Variants in NCKAP5 observed in about 807,000 individuals in gnomAD.
The protein encoded by NCKAP5 is NCK associated protein 5.
Under a neutral mutation model 167.0 loss-of-function variants are expected in NCKAP5, and 92 were observed. The ratio of observed to expected loss-of-function variants is 0.55; its 90% confidence interval spans 0.47 to 0.66. NCKAP5 has a LOEUF of 0.66. NCKAP5 is among the 30% of genes least tolerant of loss of function. The probability of loss-of-function intolerance (pLI) is 0.00; values close to 1 mark genes in which losing one functional copy is unlikely to be tolerated. For synonymous variants in NCKAP5, 891 were observed against 877.4 expected, an observed-to-expected ratio of 1.02 and a Z score of -0.27; for missense variants, 2,378 against 2,315.0, an observed-to-expected ratio of 1.03 and a Z score of -0.56.
At position 132,865,119 on chromosome 2, in the gene NCKAP5, G is replaced by T. The variant is rs1690241483; in HGVS notation, c.687+3817C>A. Among the ~76,000 whole-genome samples, 4 of 152,036 alleles carry T rather than the reference G, an allele frequency of 2.6e-5. 1 individual carries two copies. In the South Asian group the frequency reaches 8.3e-4, roughly 32 times the overall value. ...TCCTTATCTCTGCCCCAAATGCTAA[G>T]ACTTTTGTAACATGAAAAGCCACTT... On this transcript the variant is annotated intron_variant, in intron 10 of 19. Coordinates refer to ENST00000409261, the MANE Select transcript of NCKAP5 (RefSeq NM_207363.3).
chr2:132,812,564 G>A lies in NCKAP5; in HGVS notation c.808-15835C>T, dbSNP rs113867611. ...GCATCAAGGTGCTCATCAGACAGGC[G>A]GAGCAGGCACCTGCAACATAGTATG... On this transcript the variant is annotated intron_variant, in intron 11 of 19. Coordinates refer to ENST00000409261, the MANE Select transcript of NCKAP5 (RefSeq NM_207363.3). Among the ~76,000 whole-genome samples the A allele has an allele frequency of 7.2e-5, 11 of 152,258 alleles. 1 individual carries two copies. Among genetic ancestry groups the A allele is most frequent in the South Asian group, 6.2e-4 (3 of 4,828 alleles).
chr2:133,633,584 G>A, the NCKAP5 span, among the ~76,000 whole-genome samples: 4 of 152,192 alleles, frequency 2.6e-5, no homozygotes, highest in Admixed American at 1.3e-4. Context: ...AGGTATGAAG[G>A]TAGCCTTCAT....
At chr2:133,141,337 T>C in intron 5 of NCKAP5, among the ~76,000 whole-genome samples, 1 of 152,034 alleles carries the variant, frequency 6.6e-6, no homozygotes, top group East Asian at 1.9e-4. Flanking sequence ...CCATTTATAA[T>C]TCTATTTTTA....
intron 10 of NCKAP5, among the ~76,000 whole-genome samples, chr2:132,865,626 T>C (rs1379537939): frequency 6.6e-6 from 1 of 152,124 alleles, no homozygotes; most frequent in Non-Finnish European, 1.5e-5. Context: ...TAACCAGCCG[T>C]TGGATTTCAA....
intron 3 of NCKAP5, among the ~76,000 whole-genome samples, chr2:133,381,185 G>C (rs1034782476): frequency 2.1e-5 from 3 of 145,934 alleles, no homozygotes; most frequent in African/African-American, 7.3e-5. Flanking sequence ...ACAAGGCATG[G>C]CACTTAGGCT....
At chr2:132,693,783 G>T (rs1050472514) in intron 19 of NCKAP5, among the ~76,000 whole-genome samples, 4 of 151,806 alleles carry the variant, frequency 2.6e-5, no homozygotes, top group African/African-American at 9.7e-5. Context: ...CTGCCACCAT[G>T]CCCGGCTAAT....
chr2:132,909,544 T>C (rs1047884855), intron 8 of NCKAP5, among the ~76,000 whole-genome samples: 5 of 152,164 alleles, frequency 3.3e-5, no homozygotes, highest in African/African-American at 7.2e-5. Context: ...CCTCAGAGAT[T>C]ATCGACAATG....
At chr2:133,016,833 T>C (rs1465623498) in intron 6 of NCKAP5, among the ~76,000 whole-genome samples, 1 of 152,140 alleles carries the variant, frequency 6.6e-6, no homozygotes, top group Non-Finnish European at 1.5e-5. Context: ...AAAAAATGTA[T>C]TTTGATGGGG....
At chr2:133,357,305 A>ACC (rs1196845035) in intron 3 of NCKAP5, among the ~76,000 whole-genome samples, 1 of 151,298 alleles carries the variant, frequency 6.6e-6, no homozygotes, top group African/African-American at 2.4e-5. Flanking sequence ...ACACACACAC[A>ACC]CACACACACA....
intron 19 of NCKAP5, among the ~76,000 whole-genome samples, chr2:132,718,218 A>C (rs888882594): frequency 1.3e-5 from 2 of 152,064 alleles, no homozygotes; most frequent in Non-Finnish European, 1.5e-5. Context: ...CAAATAAACT[A>C]GTGTAGAAGT....
chr2:132,917,334 A>G (rs1694963743), intron 8 of NCKAP5, among the ~76,000 whole-genome samples: 1 of 152,206 alleles, frequency 6.6e-6, no homozygotes, highest in African/African-American at 2.4e-5. Context: ...CTCATTTATA[A>G]GATCCATACG....
chr2:133,003,581 C>A (rs1284655532), intron 6 of NCKAP5, among the ~76,000 whole-genome samples: 2 of 152,172 alleles, frequency 1.3e-5, no homozygotes, highest in Non-Finnish European at 1.5e-5. Flanking sequence ...ATCCTCGCTG[C>A]AATAGTTAGG....
At chr2:133,322,434 A>G (rs1184775755) in intron 3 of NCKAP5, among the ~76,000 whole-genome samples, 1 of 152,186 alleles carries the variant, frequency 6.6e-6, no homozygotes, top group Non-Finnish European at 1.5e-5. Context: ...TTTACATGAT[A>G]CTTTATTTTC....
At chr2:132,786,404 T>G (rs1474103424) in intron 13 of NCKAP5, among the ~76,000 whole-genome samples, 1 of 152,184 alleles carries the variant, frequency 6.6e-6, no homozygotes, top group Non-Finnish European at 1.5e-5. Flanking sequence ...ACAATAGATA[T>G]CTATGAAAAT....
At position 133,550,839 on chromosome 2, in the gene NCKAP5, C is replaced by G. The variant is rs570529794; in HGVS notation, c.-62+8211G>C. ...GTTTGCAGACGACATGATTGTATAT[C>G]TAGAAAACCCCATTGTCTCAGCCCA... On this transcript the variant is annotated intron_variant, in intron 2 of 19. Transcript: ENST00000409261. 2.0e-3 allele frequency among the ~76,000 whole-genome samples: 283 copies of G among 141,408 alleles called. 2 individuals carry two copies. Among genetic ancestry groups the G allele is most frequent in the African/African-American group, 6.5e-3 (247 of 37,728 alleles). 92.8% of individuals were successfully genotyped at this position (141,408 alleles called of 152,430 possible). A position where few individuals can be genotyped will look rare whatever the true frequency, so the allele number is the denominator to read the frequency against.
intron 5 of NCKAP5, among the ~76,000 whole-genome samples, chr2:133,190,311 G>A (rs545341949): frequency 6.6e-6 from 1 of 152,300 alleles, no homozygotes; most frequent in South Asian, 2.1e-4. Context: ...CATGTTCATG[G>A]ATAGGAAGAA....
intron 8 of NCKAP5, among the ~76,000 whole-genome samples, chr2:132,884,336 T>C (rs1692042289): frequency 6.6e-6 from 1 of 152,190 alleles, no homozygotes; most frequent in Non-Finnish European, 1.5e-5. Context: ...GACTTTGCTG[T>C]TCCCTTCAGG....
intron 3 of NCKAP5, among the ~76,000 whole-genome samples, chr2:133,486,852 G>A (rs931688288): frequency 3.3e-5 from 5 of 152,222 alleles, no homozygotes; most frequent in African/African-American, 9.6e-5. Flanking sequence ...TTCATTCAAC[G>A]GGTCATTGTA....
chr2:132,927,036 A>C (rs1453326936), intron 8 of NCKAP5, among the ~76,000 whole-genome samples: 1 of 152,122 alleles, frequency 6.6e-6, no homozygotes, highest in Non-Finnish European at 1.5e-5. Context: ...ATTCATCATT[A>C]TTAATTTTTA....
Sources: allele counts gnomAD v4.1 joint callset (sites outside exome capture counted in the v4.1 genomes callset), GRCh38; gene constraint gnomAD v4.1.1; transcripts MANE v1.5; gene names NCBI Gene and HGNC (gene_info 2026-07-23, HGNC 2026-07-21).